LGALS12: variants seen among roughly 807,000 people sequenced by gnomAD.
The protein encoded by LGALS12 is galectin 12, also known as galectin-12.
LGALS12 carries 36 observed loss-of-function variants against 36.8 expected under a neutral mutation model. The ratio of observed to expected loss-of-function variants is 0.98; its 90% CI spans 0.75 to 1.29. LGALS12 has a LOEUF of 1.29. Among genes scored for constraint, LGALS12 ranks in the 50% most tolerant of loss-of-function variants. The pLI is 0.00. For synonymous variants in LGALS12, 145 were observed against 155.9 expected, an observed-to-expected ratio of 0.93 and a Z score of 0.52; for missense variants, 366 against 394.3, an observed-to-expected ratio of 0.93 and a Z score of 0.61.
At chr11:63,511,712 C>T in intron 6 of LGALS12, 40 bp from the exon 7 acceptor site, 4 of 1,481,794 alleles carry the variant, frequency 2.7e-6, no homozygotes, top group Non-Finnish European at 3.8e-6. Context: ...CCCCAGTCCC[C>T]CTGGAAGTCA....
chr11:63,512,104 C>T (rs1386022646), intron 7 of LGALS12, among the ~76,000 whole-genome samples: 3 of 152,192 alleles, frequency 2.0e-5, no homozygotes, highest in Non-Finnish European at 2.9e-5. Context: ...GTCCCAGGTC[C>T]TAGGAAAGGG....
chr11:63,516,181 G>T, intron 8 of LGALS12, 66 bp from the exon 9 acceptor site: 1 of 1,511,648 alleles, frequency 6.6e-7, no homozygotes. Flanking sequence ...TCACTGGAGA[G>T]AGCGTCAGGC....
chr11:63,511,888 A>G (rs761659949), intron 7 of LGALS12, 48 bp downstream of exon 7: 6 of 1,155,212 alleles, frequency 5.2e-6, no homozygotes, highest in Non-Finnish European at 7.9e-6. Context: ...CCTCTCTGTG[A>G]CAGTCACATG....
Position 63,516,312 on chromosome 11 carries a change from C to T in LGALS12, c.864C>T (p.Thr288=), listed in dbSNP as rs769695292. 3 of 1,612,482 alleles carry T rather than the reference C, an allele frequency of 1.9e-6. No individual in the cohort carries two copies. The South Asian group carries it at 3.3e-5, about 18-fold the overall frequency. ...TCAATGGGCAGGGGCTGGGGGCCACCAGCATGAACCAGCAGGCCCTGGAGC... is the reference window on the plus strand; with the variant it reads ...TCAATGGGCAGGGGCTGGGGGCCACTAGCATGAACCAGCAGGCCCTGGAGC... The part of the protein sequence containing the change: ...LALNGQGLGA[T]SMNQQALEQL... The change falls in exon 9 of 9, where the codon ACC becomes ACT. Residue 288 remains threonine (T), a synonymous_variant. Transcript: ENST00000394618.
At chr11:63,507,902 T>A (rs182294928) in intron 1 of LGALS12, 192 of 329,298 alleles carry the variant, frequency 5.8e-4, no homozygotes, top group African/African-American at 4.1e-3. Flanking sequence ...CACACCCAGC[T>A]AATTTTTGTA....
At chr11:63,506,997 G>C (rs1029031637) in intron 1 of LGALS12, among the ~76,000 whole-genome samples, 2 of 152,182 alleles carry the variant, frequency 1.3e-5, no homozygotes, top group African/African-American at 4.8e-5. Context: ...ATGATTTACA[G>C]AAGGCTGAAT....
In LGALS12 at chr11:63,515,678, G is replaced by A. The variant is rs371209630; in HGVS notation, c.763G>A (p.Ala255Thr). Reference sequence around the variant, plus strand: ...CTGGGGGCAGAAGAAACTGATCTCAGCCCCCTTCCTCTTTTACCCCCAGAG... The same window carrying A: ...CTGGGGGCAGAAGAAACTGATCTCAACCCCCTTCCTCTTTTACCCCCAGAG... ...SRWGQKKLIS[A>T]PFLFYPQRFF... Residue 255 changes from alanine to threonine, a missense_variant, in exon 8 of 9, where the codon GCC becomes ACC. Coordinates refer to ENST00000394618, the MANE Select transcript of LGALS12 (RefSeq NM_033101.4). The A allele has an allele frequency of 4.3e-6, 7 of 1,614,070 alleles. No individual in the cohort carries two copies. The highest frequency in any genetic ancestry group is 5.9e-6 in the Non-Finnish European group (7 of 1,180,028).
chr11:63,507,743 T>TTC (rs2016785317), intron 1 of LGALS12, among the ~76,000 whole-genome samples: 1 of 141,878 alleles, frequency 7.0e-6, no homozygotes, highest in Non-Finnish European at 1.5e-5. Context: ...TTTTTTTTTT[T>TTC]TTTTTTTTTG....
rs546288968 is a variant in LGALS12, at chr11:63,516,562, C to G, written c.*169C>G. 1 of 755,636 alleles carries G rather than the reference C, an allele frequency of 1.3e-6. No individual in the cohort carries two copies. Among genetic ancestry groups the G allele is most frequent in the East Asian group, 2.7e-5 (1 of 37,084 alleles). 46.8% of individuals were successfully genotyped at this position (755,636 alleles called of 1,614,324 possible). A position where few individuals can be genotyped will look rare whatever the true frequency, so the allele number is the denominator to read the frequency against. On this transcript the variant is annotated 3_prime_UTR_variant, in exon 9 of 9. Transcript: ENST00000394618. ...GGAGCTTTGGGCCTGAGGGAAGGCA[C>G]AAGAGTGCAAAGGTTCCTCGAACTC...
chr11:63,516,503 G>C lies in LGALS12; in HGVS notation c.*110G>C, dbSNP rs575083336. 7.7e-7 allele frequency: 1 copy of C among 1,304,190 alleles called. No individual in the cohort carries two copies. The highest frequency in any genetic ancestry group is 1.2e-5 in the South Asian group (1 of 81,144). 80.8% of individuals were successfully genotyped at this position (1,304,190 alleles called of 1,614,324 possible). ...CACCTGACACCAGCACATCAGGCCT[G>C]GTTCACCTCTGGGGTCACGAGACTG... is the stretch of plus-strand genomic sequence containing the variant. On this transcript the variant is annotated 3_prime_UTR_variant, in exon 9 of 9. Transcript: ENST00000394618.
rs781564834 is a variant in LGALS12, at chr11:63,508,594, A to C, written c.111A>C (p.Ala37=). The C allele has an allele frequency of 5.0e-6, 8 of 1,614,044 alleles. No individual in the cohort carries two copies. Among genetic ancestry groups the C allele is most frequent in the Non-Finnish European group, 6.8e-6 (8 of 1,180,036 alleles). Residue 37 remains alanine (A), a synonymous_variant, in exon 2 of 9, where the codon GCA becomes GCC. Coordinates refer to ENST00000394618, the MANE Select transcript of LGALS12 (RefSeq NM_033101.4). The part of the protein sequence containing the change: ...YVTTIFGGLH[A]GKMVMLQGVV... ...CGACGATTTTTGGAGGCCTGCATGC[A>C]GGCAAGATGGTCATGCTGCAAGGAG...
chr11:63,508,486 C>A (rs1310568746), intron 1 of LGALS12, 67 bp from the exon 2 acceptor site: 3 of 1,594,150 alleles, frequency 1.9e-6, no homozygotes, highest in Admixed American at 3.7e-5. Context: ...TCCTCCCACT[C>A]GCCTGACATA....
Position 63,506,380 on chromosome 11 carries a change from C to A in LGALS12, c.-79C>A, listed in dbSNP as rs1370530071. The stretch of plus-strand genomic sequence containing the variant: ...AGAGCTGCTCCAGGCATTTAGGACC[C>A]TGACTGGGGCAGATGAGTCAGCCCA... On this transcript the variant is annotated 5_prime_UTR_variant, in exon 1 of 9. In the 5' UTR this introduces an upstream ATG that the reference lacks. Transcript: ENST00000394618. 6.2e-7 allele frequency: 1 copy of A among 1,614,096 alleles called. No individual in the cohort carries two copies. The highest frequency in any genetic ancestry group is 1.1e-5 in the South Asian group (1 of 91,082).
At chr11:63,508,432 ATT>A in intron 1 of LGALS12, 119 bp from the exon 2 acceptor site, 1 of 1,481,554 alleles carries the variant, frequency 6.7e-7, no homozygotes, top group Non-Finnish European at 8.9e-7. Flanking sequence ...CCTATAAGGA[ATT>A]TTCTGTTTGG....
At chr11:63,507,528 A>G (rs1235331695) in intron 1 of LGALS12, among the ~76,000 whole-genome samples, 1 of 152,148 alleles carries the variant, frequency 6.6e-6, no homozygotes, top group Non-Finnish European at 1.5e-5. Context: ...AAAGCCAACC[A>G]GTCGCTCTAA....
At position 63,508,608 on chromosome 11, in the gene LGALS12, T is replaced by C; in HGVS notation, c.125T>C (p.Met42Thr). Residue 42 changes from methionine to threonine, a missense_variant, in exon 2 of 9, where the codon ATG becomes ACG. Coordinates refer to ENST00000394618, the MANE Select transcript of LGALS12 (RefSeq NM_033101.4). ...GGCCTGCATGCAGGCAAGATGGTCA[T>C]GCTGCAAGGAGTGGTCCCTCTAGAT... is the stretch of plus-strand genomic sequence containing the variant. Reference protein sequence around the residue: ...FGGLHAGKMVMLQGVVPLDAH... With the variant: ...FGGLHAGKMVTLQGVVPLDAH... The C allele has an allele frequency of 1.9e-6, 3 of 1,614,186 alleles. 1 individual carries two copies. In the South Asian group the frequency reaches 3.3e-5, roughly 18 times the overall value.
intron 8 of LGALS12, among the ~76,000 whole-genome samples, chr11:63,515,931 G>C (rs1306797339): frequency 1.3e-5 from 2 of 152,120 alleles, no homozygotes; most frequent in Non-Finnish European, 2.9e-5. Flanking sequence ...GCAGGTGGGG[G>C]GGGGCCCAGG....
intron 7 of LGALS12, among the ~76,000 whole-genome samples, chr11:63,513,843 A>C (rs2016997768): frequency 6.6e-6 from 1 of 152,088 alleles, no homozygotes; most frequent in Non-Finnish European, 1.5e-5. Flanking sequence ...GCATCTGGTG[A>C]TTTGTGATTA....
chr11:63,511,090 G>A lies in LGALS12; in HGVS notation c.543G>A (p.Leu181=). The A allele has an allele frequency of 6.2e-7, 1 of 1,613,696 alleles. No individual in the cohort carries two copies. Among genetic ancestry groups the A allele is most frequent in the Non-Finnish European group, 8.5e-7 (1 of 1,179,990 alleles). ...TCTTTCCCTGACAGCCTTTCCTGCT[G>A]ATGAGCCCCAGGCTGGTGAGTGAAC... ...REYPAGHPFL[L]MSPRLEVPCS... Residue 181 remains leucine (L), a synonymous_variant, in exon 6 of 9, where the codon CTG becomes CTA. Coordinates refer to ENST00000394618, the MANE Select transcript of LGALS12 (RefSeq NM_033101.4).
Sources: allele counts gnomAD v4.1 joint callset (sites outside exome capture counted in the v4.1 genomes callset), GRCh38; gene constraint gnomAD v4.1.1; transcripts MANE v1.5; gene names NCBI Gene and HGNC (gene_info 2026-07-23, HGNC 2026-07-21).